The following SCD5 variants were observed in gnomAD, a reference collection of about 807,000 sequenced individuals.
SCD5 encodes the protein acyl-CoA-desaturase 4.
A neutral mutation model predicts 30.4 loss-of-function variants in SCD5; 20 were observed. The ratio of observed to expected loss-of-function variants is 0.66; its 90% confidence interval spans 0.46 to 0.96. The LOEUF is 0.96. Ranked by LOEUF, SCD5 falls within the 40% of genes least tolerant of loss-of-function variation. The probability of loss-of-function intolerance (pLI) is 0.00; values close to 1 mark genes in which losing one functional copy is unlikely to be tolerated. For missense variants in SCD5, 381 were observed against 443.3 expected (o/e 0.86, Z 1.26); for synonymous variants, 173 against 176.4 (o/e 0.98, Z 0.16).
At chr4:82,757,921 T>C (rs1205531487) in intron 1 of SCD5, among the ~76,000 whole-genome samples, 1 of 152,236 alleles carries the variant, frequency 6.6e-6, no homozygotes, top group Non-Finnish European at 1.5e-5. Flanking sequence ...CAGAATCCAT[T>C]AACGGCTACG....
intron 1 of SCD5, among the ~76,000 whole-genome samples, chr4:82,724,713 T>C (rs1409091285): frequency 6.6e-6 from 1 of 152,198 alleles, no homozygotes; most frequent in Non-Finnish European, 1.5e-5. Context: ...GAAGAACTGT[T>C]TTTAGGACTA....
At chr4:82,729,858 C>T (rs1415882002) in intron 1 of SCD5, among the ~76,000 whole-genome samples, 2 of 152,164 alleles carry the variant, frequency 1.3e-5, no homozygotes, top group Non-Finnish European at 2.9e-5. Flanking sequence ...GAGAGGGCAC[C>T]AGAGGAGTCT....
intron 1 of SCD5, among the ~76,000 whole-genome samples, chr4:82,705,772 A>G (rs1719955972): frequency 1.3e-5 from 2 of 152,186 alleles, no homozygotes; most frequent in Admixed American, 1.3e-4. Context: ...ATTGAGCTCT[A>G]CCTCACCTCT....
At chr4:82,794,432 G>C (rs1194703601) in intron 1 of SCD5, among the ~76,000 whole-genome samples, 1 of 152,192 alleles carries the variant, frequency 6.6e-6, no homozygotes, top group Non-Finnish European at 1.5e-5. Flanking sequence ...CCAACAGCCA[G>C]ATGTCTGGAG....
Position 82,798,782 on chromosome 4 carries a change from G to C in SCD5, c.-245C>G. ...TATCCCCCATATGGCTGCCCGGGCT[G>C]AACTCGGCCGCGAGAAAGAGGAGGC... is the stretch of plus-strand genomic sequence containing the variant. On this transcript the variant is annotated 5_prime_UTR_variant, in exon 1 of 5. Transcript: ENST00000319540. 2.2e-6 allele frequency: 1 copy of C among 456,680 alleles called. No homozygotes were observed. Among genetic ancestry groups the C allele is most frequent in the Non-Finnish European group, 3.8e-6 (1 of 261,490 alleles). 28.3% of individuals were successfully genotyped at this position (456,680 alleles called of 1,614,324 possible).
intron 1 of SCD5, among the ~76,000 whole-genome samples, chr4:82,793,029 C>T (rs1281492322): frequency 2.0e-5 from 3 of 152,186 alleles, no homozygotes; most frequent in East Asian, 1.9e-4. Context: ...TCTATTCTTT[C>T]GGGTCTAGCT....
At position 82,750,146 on chromosome 4, in the gene SCD5, T is replaced by C. The variant is rs137981328; in HGVS notation, c.233-44733A>G. ...ACAACTCAATGGATCGCACACAGTC[T>C]GCCCACAAAAATATTTGCTTTCATT... On this transcript the variant is annotated intron_variant, in intron 1 of 4. Coordinates refer to ENST00000319540, the MANE Select transcript of SCD5 (RefSeq NM_001037582.3). Among the ~76,000 whole-genome samples, 651 of 152,338 alleles carry C rather than the reference T, an allele frequency of 4.3e-3. 7 individuals are homozygous for C. Among genetic ancestry groups the C allele is most frequent in the African/African-American group, 0.015 (620 of 41,578 alleles).
intron 1 of SCD5, among the ~76,000 whole-genome samples, chr4:82,764,317 C>A (rs1000778265): frequency 6.6e-6 from 1 of 152,178 alleles, no homozygotes; most frequent in Admixed American, 6.5e-5. Flanking sequence ...TGATTTAGAT[C>A]ATTTACATTT....
intron 2 of SCD5, 33 bp from the exon 3 acceptor site, chr4:82,680,945 G>A (rs909699339): frequency 3.1e-6 from 5 of 1,589,672 alleles, no homozygotes; most frequent in Admixed American, 1.7e-5. Flanking sequence ...AGTGAAGAGA[G>A]GAACCGCACC....
intron 1 of SCD5, among the ~76,000 whole-genome samples, chr4:82,712,341 C>T: frequency 8.3e-6 from 1 of 120,346 alleles, no homozygotes; most frequent in African/African-American, 3.3e-5. Context: ...AAGTCTCGCT[C>T]TGTCGCCCAG....
chr4:82,727,846 T>C (rs1198885506), intron 1 of SCD5, among the ~76,000 whole-genome samples: 1 of 152,210 alleles, frequency 6.6e-6, no homozygotes, highest in Non-Finnish European at 1.5e-5. Flanking sequence ...TAGCTGGGAT[T>C]ACAGGTACGC....
chr4:82,756,742 G>A (rs187617978), intron 1 of SCD5, among the ~76,000 whole-genome samples: 2 of 144,076 alleles, frequency 1.4e-5, no homozygotes, highest in East Asian at 2.0e-4. Flanking sequence ...ACTTGTAGCC[G>A]CCCTCACCAT....
At position 82,699,903 on chromosome 4, in the gene SCD5, G is replaced by A. The variant is rs923678279; in HGVS notation, c.363+5380C>T. 1.1e-4 allele frequency among the ~76,000 whole-genome samples: 16 copies of A among 151,504 alleles called. 1 individual carries two copies. The highest frequency in any genetic ancestry group is 1.9e-4 in the African/African-American group (8 of 41,308). ...TCTCGATCTCTTGACCTCGTAATCCGCCTGCCTCGGCCTCCCAAAGTGCTG... is the reference window on the plus strand; with the variant it reads ...TCTCGATCTCTTGACCTCGTAATCCACCTGCCTCGGCCTCCCAAAGTGCTG... On this transcript the variant is annotated intron_variant, in intron 2 of 4. Transcript: ENST00000319540.
chr4:82,689,705 C>G (rs1403159511), intron 2 of SCD5, among the ~76,000 whole-genome samples: 2 of 152,130 alleles, frequency 1.3e-5, no homozygotes, highest in Non-Finnish European at 2.9e-5. Flanking sequence ...TTCATATAGG[C>G]TCATAATCTT....
chr4:82,670,031 C>T (rs554717340), intron 3 of SCD5, among the ~76,000 whole-genome samples: 2 of 152,306 alleles, frequency 1.3e-5, no homozygotes, highest in East Asian at 3.9e-4. Context: ...CCCCCACACA[C>T]CTCCCACCAC....
At chr4:82,653,595 C>A (rs17006028) in intron 3 of SCD5, among the ~76,000 whole-genome samples, 27,961 of 151,302 alleles carry the variant, frequency 0.18, 2,750 homozygotes, top group East Asian at 0.37. Context: ...TGGCCCTCTG[C>A]TTGTAAGAGA....
chr4:82,776,777 C>T (rs1721753253), intron 1 of SCD5, among the ~76,000 whole-genome samples: 1 of 152,150 alleles, frequency 6.6e-6, no homozygotes, highest in Non-Finnish European at 1.5e-5. Context: ...GTCTATGTAA[C>T]AATGGTATGG....
chr4:82,679,238 A>G (rs6843255), intron 3 of SCD5, among the ~76,000 whole-genome samples: 3,321 of 88,338 alleles, frequency 0.038, 245 homozygotes, highest in African/African-American at 0.076. Context: ...GAAAGAAAGA[A>G]AGAAAGAAAG....
chr4:82,687,587 C>T (rs958040692), intron 2 of SCD5, among the ~76,000 whole-genome samples: 4 of 152,208 alleles, frequency 2.6e-5, no homozygotes, highest in Non-Finnish European at 4.4e-5. Flanking sequence ...ACCAATCACA[C>T]GTCAAGTGGT....
Sources: allele counts gnomAD v4.1 joint callset (sites outside exome capture counted in the v4.1 genomes callset), GRCh38; gene constraint gnomAD v4.1.1; transcripts MANE v1.5; gene names NCBI Gene and HGNC (gene_info 2026-07-23, HGNC 2026-07-21).